Variants in DIAPH2 observed in about 807,000 individuals in gnomAD.
DIAPH2 encodes the protein protein diaphanous homolog 2.
A neutral mutation model predicts 92.7 loss-of-function variants in DIAPH2; 35 were observed. The observed-to-expected ratio is 0.38, with a 90% CI of 0.29 to 0.50. The LOEUF (loss-of-function observed/expected upper bound fraction) is 0.50. DIAPH2 is among the 20% of genes least tolerant of loss of function. The probability of loss-of-function intolerance (pLI) is 0.94; values close to 1 mark genes in which losing one functional copy is unlikely to be tolerated. For synonymous variants in DIAPH2, 301 were observed against 280.4 expected (o/e 1.07, Z -0.73); for missense variants, 701 against 819.5 (o/e 0.86, Z 1.77).
intron 22 of DIAPH2, among the ~76,000 whole-genome samples, chrX:97,241,760 T>A (rs1301727719): frequency 1.9e-5 from 2 of 103,068 alleles, no homozygotes; most frequent in African/African-American, 7.0e-5. Flanking sequence ...GATAAGAGTT[T>A]AAGTAGGCTG....
At chrX:97,246,325 T>C (rs1417688537) in intron 22 of DIAPH2, among the ~76,000 whole-genome samples, 2 of 111,898 alleles carry the variant, frequency 1.8e-5, no homozygotes, top group African/African-American at 6.5e-5. Flanking sequence ...GAGAGAATTA[T>C]TTCTTCCATA....
chrX:97,433,406 C>G (rs77025197), intron 26 of DIAPH2, among the ~76,000 whole-genome samples: 1 of 111,018 alleles, frequency 9.0e-6, no homozygotes, highest in Non-Finnish European at 1.9e-5. Flanking sequence ...GTCCCAGCTA[C>G]TCAGGTGGCT....
chrX:97,569,636 G>A (rs942292088), intron 26 of DIAPH2, among the ~76,000 whole-genome samples: 3 of 110,619 alleles, frequency 2.7e-5, no homozygotes, highest in Non-Finnish European at 5.7e-5. Context: ...CCAAATAACT[G>A]AATTCCTGAA....
intron 22 of DIAPH2, among the ~76,000 whole-genome samples, chrX:97,193,012 CTTT>C (rs373054114): frequency 4.6e-5 from 4 of 86,574 alleles, no homozygotes; most frequent in East Asian, 3.3e-4. Context: ...TTTTTCTTTT[CTTT>C]TTTTTTTTTT....
chrX:97,185,465 A>ATGTG (rs1569323331), intron 22 of DIAPH2, among the ~76,000 whole-genome samples: 20 of 30,859 alleles, frequency 6.5e-4, no homozygotes, highest in South Asian at 2.5e-3. Flanking sequence ...GTATATATAT[A>ATGTG]TATATACACA....
chrX:97,401,486 A>C (rs1410953763), intron 25 of DIAPH2, among the ~76,000 whole-genome samples: 1 of 111,275 alleles, frequency 9.0e-6, no homozygotes, highest in African/African-American at 3.3e-5. Context: ...ACCATCTTTC[A>C]GCCTGAGTTT....
intron 24 of DIAPH2, among the ~76,000 whole-genome samples, chrX:97,357,484 G>A (rs59688942): frequency 0.015 from 1,600 of 105,370 alleles, 28 homozygotes; most frequent in African/African-American, 0.053. Context: ...CCTTCCAGTT[G>A]CCTACCAACT....
chrX:97,335,288 C>T (rs1385816316), intron 23 of DIAPH2, among the ~76,000 whole-genome samples: 1 of 111,770 alleles, frequency 8.9e-6, no homozygotes, highest in Non-Finnish European at 1.9e-5. Context: ...TTATCGTCTC[C>T]TAACACTAGT....
intron 22 of DIAPH2, among the ~76,000 whole-genome samples, chrX:97,210,921 T>C (rs2067834703): frequency 8.9e-6 from 1 of 112,101 alleles, no homozygotes; most frequent in South Asian, 3.7e-4. Context: ...TATGAAGCAC[T>C]CTTATCTTAA....
intron 1 of DIAPH2, among the ~76,000 whole-genome samples, chrX:96,710,603 C>T (rs1047794072): frequency 4.5e-5 from 5 of 111,410 alleles, no homozygotes; most frequent in African/African-American, 1.6e-4. Flanking sequence ...GATTTGAATG[C>T]CTAATGCTAG....
intron 23 of DIAPH2, among the ~76,000 whole-genome samples, chrX:97,261,963 T>A (rs1353458289): frequency 9.1e-6 from 1 of 110,097 alleles, no homozygotes. Flanking sequence ...ATTATAATAT[T>A]GTGACATCAT....
At chrX:97,539,890 C>T (rs984652130) in intron 26 of DIAPH2, among the ~76,000 whole-genome samples, 3 of 111,444 alleles carry the variant, frequency 2.7e-5, no homozygotes, top group African/African-American at 9.8e-5. Context: ...ACATACTGTC[C>T]CCACCATGTT....
chrX:96,735,311 GT>G (rs2064079870), intron 1 of DIAPH2, among the ~76,000 whole-genome samples: 1 of 111,790 alleles, frequency 8.9e-6, no homozygotes, highest in Non-Finnish European at 1.9e-5. Context: ...GAATAACACA[GT>G]TCTTAGGCCA....
At chrX:97,203,800 A>T (rs1251474732) in intron 22 of DIAPH2, among the ~76,000 whole-genome samples, 1 of 110,969 alleles carries the variant, frequency 9.0e-6, no homozygotes, top group Non-Finnish European at 1.9e-5. Flanking sequence ...AAAAAGAGGG[A>T]CTCCTCCCTA....
intron 25 of DIAPH2, among the ~76,000 whole-genome samples, chrX:97,394,997 A>T (rs1414424415): frequency 8.9e-6 from 1 of 111,889 alleles, no homozygotes; most frequent in Non-Finnish European, 1.9e-5. Context: ...GAGGACAGAG[A>T]AAACAACAGC....
At chrX:97,385,087 G>A (rs371776154) in intron 25 of DIAPH2, among the ~76,000 whole-genome samples, 392 of 109,940 alleles carry the variant, frequency 3.6e-3, no homozygotes, top group African/African-American at 0.012. Context: ...AGAGAATTTA[G>A]GAACAAAACA....
At position 96,788,515 on chromosome X, in the gene DIAPH2, C is replaced by T. The variant is rs146150216; in HGVS notation, c.447+30257C>T. ...ACCTAGGGCCAACCACCTCCCAACC[C>T]GTCCCCACCCTCCAAAATGTTTTGA... On this transcript the variant is annotated intron_variant, in intron 4 of 26. Coordinates refer to ENST00000324765, the MANE Select transcript of DIAPH2 (RefSeq NM_006729.5). Among the ~76,000 whole-genome samples the T allele has an allele frequency of 7.2e-4, 80 of 111,607 alleles. 2 individuals are homozygous for T. The East Asian group carries it at 0.019, about 26-fold the overall frequency.
chrX:97,113,105 ATG>A (rs1344793888), intron 20 of DIAPH2, among the ~76,000 whole-genome samples: 1 of 110,697 alleles, frequency 9.0e-6, no homozygotes, highest in Admixed American at 9.6e-5. Context: ...TGTCAGTTCT[ATG>A]TGTGCTTAAA....
chrX:97,506,406 C>T (rs1443378841), intron 26 of DIAPH2, among the ~76,000 whole-genome samples: 6 of 106,651 alleles, frequency 5.6e-5, no homozygotes, highest in Non-Finnish European at 1.2e-4. Context: ...CCACCTTGGC[C>T]CCCGAAAGTG....
Sources: allele counts gnomAD v4.1 joint callset (sites outside exome capture counted in the v4.1 genomes callset), GRCh38; gene constraint gnomAD v4.1.1; transcripts MANE v1.5; gene names NCBI Gene and HGNC (gene_info 2026-07-23, HGNC 2026-07-21).